The following SPOCK2 variants were observed in gnomAD, a reference collection of about 807,000 sequenced individuals.
SPOCK2 encodes testican-2.
Under a neutral mutation model 60.1 loss-of-function variants are expected in SPOCK2, and 39 were observed. That is an observed-to-expected ratio of 0.65 (90% CI 0.50 to 0.85). The LOEUF is 0.85. Among genes scored for constraint, SPOCK2 ranks in the 40% least tolerant of loss-of-function variants. The probability of loss-of-function intolerance (pLI) is 0.00; values close to 1 mark genes in which losing one functional copy is unlikely to be tolerated. For synonymous variants in SPOCK2, 217 were observed against 231.5 expected (o/e 0.94, Z 0.57); for missense variants, 523 against 567.4 (o/e 0.92, Z 0.80).
At chr10:72,068,359 G>A in intron 5 of SPOCK2, 58 bp from the exon 6 acceptor site, 1 of 1,483,502 alleles carries the variant, frequency 6.7e-7, no homozygotes, top group Non-Finnish European at 9.1e-7. Context: ...GGTCCCCACA[G>A]CTGGGGACAC....
chr10:72,068,651 C>T (rs1253715262), intron 5 of SPOCK2: 2 of 278,932 alleles, frequency 7.2e-6, no homozygotes, highest in Admixed American at 9.8e-5. Context: ...GTCTGTTGCC[C>T]CCCTGGCTCT....
intron 1 of SPOCK2, among the ~76,000 whole-genome samples, chr10:72,076,601 T>C (rs1840717904): frequency 6.6e-6 from 1 of 152,226 alleles, no homozygotes; most frequent in African/African-American, 2.4e-5. Context: ...AATGTTTTAA[T>C]AGAGATGGGG....
At chr10:72,074,929 T>C (rs568094768) in intron 1 of SPOCK2, among the ~76,000 whole-genome samples, 1 of 152,214 alleles carries the variant, frequency 6.6e-6, no homozygotes, top group South Asian at 2.1e-4. Context: ...CCGCAGCCCC[T>C]GGGCCCAGGA....
At chr10:72,074,348 C>T (rs913784006) in intron 1 of SPOCK2, among the ~76,000 whole-genome samples, 8 of 152,104 alleles carry the variant, frequency 5.3e-5, no homozygotes, top group East Asian at 3.9e-4. Context: ...GAGAAAGATG[C>T]GGTGTGCACA....
At chr10:72,074,142 G>A (rs562404885) in intron 1 of SPOCK2, among the ~76,000 whole-genome samples, 2 of 152,192 alleles carry the variant, frequency 1.3e-5, no homozygotes, top group South Asian at 4.2e-4. Flanking sequence ...AGGGCGGTGG[G>A]GCCATGGCAC....
Position 72,060,424 on chromosome 10 carries a change from T to C in SPOCK2, c.*2336A>G, listed in dbSNP as rs999703552. On this transcript the variant is annotated 3_prime_UTR_variant, in exon 11 of 11. Coordinates refer to ENST00000373109, the MANE Select transcript of SPOCK2 (RefSeq NM_001244950.2). ...CGTGTCCCAGGAGCGGAGGGTGACATCAAGAGGACAGGGGACACCCTTCCT... is the reference window on the plus strand; with the variant it reads ...CGTGTCCCAGGAGCGGAGGGTGACACCAAGAGGACAGGGGACACCCTTCCT... 1 of 152,114 alleles carries C rather than the reference T, an allele frequency of 6.6e-6. No homozygotes were observed. The highest frequency in any genetic ancestry group is 3.4e-3 in the Middle Eastern group (1 of 296). The allele number at this position is 152,114 out of a possible 1,614,324, so 9.4% of individuals were successfully genotyped here. A position where few individuals can be genotyped will look rare whatever the true frequency, so the allele number is the denominator to read the frequency against.
At chr10:72,072,701 A>T in intron 2 of SPOCK2, 153 bp from the exon 3 acceptor site, 1 of 1,349,634 alleles carries the variant, frequency 7.4e-7, no homozygotes, top group Non-Finnish European at 1.0e-6. Flanking sequence ...AGGCCCTGCC[A>T]GCTGCCTCCC....
intron 1 of SPOCK2, among the ~76,000 whole-genome samples, chr10:72,079,112 TA>T (rs879409642): frequency 7.2e-5 from 11 of 152,204 alleles, no homozygotes; most frequent in Non-Finnish European, 1.3e-4. Context: ...TCTCAGATGA[TA>T]AAATTGAGGC....
At chr10:72,086,214 TCCTGAAGA>T in intron 1 of SPOCK2, 1 of 986,254 alleles carries the variant, frequency 1.0e-6, no homozygotes, top group South Asian at 4.7e-5. Context: ...CATGTGCAAG[TCCTGAAGA>T]CTTTCAAATC....
chr10:72,084,928 C>A (rs752383247), intron 1 of SPOCK2, among the ~76,000 whole-genome samples: 1 of 152,136 alleles, frequency 6.6e-6, no homozygotes, highest in Non-Finnish European at 1.5e-5. Context: ...CTCCTGGGTG[C>A]CAAGCACTGT....
intron 1 of SPOCK2, chr10:72,086,685 G>C (rs1840860298): frequency 7.6e-7 from 1 of 1,310,544 alleles, no homozygotes; most frequent in African/African-American, 1.5e-5. Context: ...CATGTGGGGC[G>C]AAGGCGGAGA....
At chr10:72,064,100 G>T in intron 9 of SPOCK2, 78 bp downstream of exon 9, 1 of 1,552,792 alleles carries the variant, frequency 6.4e-7, no homozygotes. Context: ...GAGGCCCAAG[G>T]CTGGAGGCCC....
chr10:72,066,869 G>A, intron 8 of SPOCK2, 33 bp downstream of exon 8: 3 of 1,612,440 alleles, frequency 1.9e-6, no homozygotes, highest in Non-Finnish European at 2.5e-6. Flanking sequence ...CCACACGGGT[G>A]AGGCAGGGGC....
At chr10:72,068,157 C>T (rs768133834) in intron 6 of SPOCK2, 30 bp downstream of exon 6, 38 of 1,589,378 alleles carry the variant, frequency 2.4e-5, no homozygotes, top group Non-Finnish European at 3.0e-5. Context: ...CTTCAGCACC[C>T]CTAGCCTGGT....
chr10:72,064,377 C>G (rs892974721), intron 8 of SPOCK2, 137 bp from the exon 9 acceptor site: 22 of 938,560 alleles, frequency 2.3e-5, no homozygotes, highest in Non-Finnish European at 3.3e-5. Flanking sequence ...GGTCACCCCA[C>G]AGCAGGGGTG....
chr10:72,081,352 G>A (rs1412120116), intron 1 of SPOCK2, among the ~76,000 whole-genome samples: 1 of 152,196 alleles, frequency 6.6e-6, no homozygotes, highest in East Asian at 1.9e-4. Flanking sequence ...GGGAAGGAGC[G>A]AGCTGTTTGC....
chr10:72,074,402 A>C (rs1471220239), intron 1 of SPOCK2, among the ~76,000 whole-genome samples: 1 of 151,726 alleles, frequency 6.6e-6, no homozygotes, highest in Admixed American at 6.6e-5. Context: ...GTGTGCATTT[A>C]TGCAGACCCA....
chr10:72,068,989 G>A (rs887538500), intron 5 of SPOCK2: 3 of 152,560 alleles, frequency 2.0e-5, no homozygotes, highest in Non-Finnish European at 4.4e-5. Flanking sequence ...GAACAGCAAG[G>A]CGCACAGAGG....
intron 1 of SPOCK2, among the ~76,000 whole-genome samples, chr10:72,075,097 AC>A (rs746746503): frequency 2.0e-5 from 3 of 152,102 alleles, no homozygotes; most frequent in Non-Finnish European, 4.4e-5. Flanking sequence ...GCTAAAACCA[AC>A]GAAGCCTTCT....
Sources: allele counts gnomAD v4.1 joint callset (sites outside exome capture counted in the v4.1 genomes callset), GRCh38; gene constraint gnomAD v4.1.1; transcripts MANE v1.5; gene names NCBI Gene and HGNC (gene_info 2026-07-23, HGNC 2026-07-21).